AP3B1: variants seen among roughly 807,000 people sequenced by gnomAD.
The protein encoded by AP3B1 is AP-3 complex subunit beta-1.
In AP3B1, 61 loss-of-function variants were observed where a neutral mutation model predicts 132.5. That is an observed-to-expected ratio of 0.46 (90% confidence interval 0.37 to 0.57). The LOEUF is 0.57. Among genes scored for constraint, AP3B1 ranks in the 20% least tolerant of loss-of-function variants. The pLI is 0.00. For synonymous variants in AP3B1, 388 were observed against 438.3 expected (o/e 0.89, Z 1.43); for missense variants, 1,120 against 1,289.4 (o/e 0.87, Z 2.01).
chr5:78,165,714 G>A, intron 11 of AP3B1, 42 bp from the exon 12 acceptor site: 3 of 1,325,046 alleles, frequency 2.3e-6, no homozygotes, highest in Non-Finnish European at 3.2e-6. Flanking sequence ...TAAAACAAAG[G>A]TAGCAAGATG....
At chr5:78,277,035 T>G (rs1748810478) in intron 1 of AP3B1, among the ~76,000 whole-genome samples, 1 of 152,080 alleles carries the variant, frequency 6.6e-6, no homozygotes, top group Admixed American at 6.6e-5. Context: ...ACAAGAAGAA[T>G]TTAATAAAAC....
chr5:78,094,927 C>T (rs1253119145), intron 21 of AP3B1, among the ~76,000 whole-genome samples: 4 of 152,072 alleles, frequency 2.6e-5, no homozygotes, highest in Non-Finnish European at 4.4e-5. Flanking sequence ...GTGATCTGCC[C>T]GCCTCGGCCT....
At chr5:78,088,485 C>T (rs1320354542) in intron 22 of AP3B1, among the ~76,000 whole-genome samples, 2 of 152,046 alleles carry the variant, frequency 1.3e-5, no homozygotes, top group East Asian at 1.9e-4. Flanking sequence ...AGCATATTTG[C>T]TTTAAAGGAG....
intron 1 of AP3B1, among the ~76,000 whole-genome samples, chr5:78,291,842 C>T (rs1749537513): frequency 6.6e-6 from 1 of 152,126 alleles, no homozygotes; most frequent in African/African-American, 2.4e-5. Context: ...GATTAATTTC[C>T]TGAATACATC....
At chr5:78,028,631 A>G (rs1341566873) in intron 24 of AP3B1, among the ~76,000 whole-genome samples, 4 of 152,104 alleles carry the variant, frequency 2.6e-5, no homozygotes, top group Non-Finnish European at 5.9e-5. Flanking sequence ...TCATGTGGCT[A>G]TGGGTAACCT....
chr5:78,147,630 G>A (rs1002147569), intron 14 of AP3B1, among the ~76,000 whole-genome samples: 26 of 149,692 alleles, frequency 1.7e-4, no homozygotes, highest in African/African-American at 5.9e-4. Flanking sequence ...CCATATTTTT[G>A]TATCTATTAA....
chr5:78,137,578 T>C (rs1752972792), intron 15 of AP3B1, among the ~76,000 whole-genome samples: 1 of 152,090 alleles, frequency 6.6e-6, no homozygotes, highest in Non-Finnish European at 1.5e-5. Flanking sequence ...ACAGGGAAAA[T>C]AACTCTGTGC....
intron 7 of AP3B1, among the ~76,000 whole-genome samples, chr5:78,196,463 A>G (rs1047313498): frequency 6.6e-6 from 1 of 152,314 alleles, no homozygotes. Flanking sequence ...GCAACTTTGC[A>G]GTTTCTTACC....
intron 17 of AP3B1, among the ~76,000 whole-genome samples, chr5:78,119,956 T>C (rs750833220): frequency 1.3e-5 from 2 of 152,140 alleles, no homozygotes; most frequent in Non-Finnish European, 2.9e-5. Flanking sequence ...TCGGGTTACC[T>C]ACAAAGGGAA....
Position 78,172,797 on chromosome 5 carries a change from T to C in AP3B1, c.1167+2829A>G, listed in dbSNP as rs529686387. 2.2e-3 allele frequency among the ~76,000 whole-genome samples: 330 copies of C among 152,364 alleles called. 1 individual carries two copies. Among genetic ancestry groups the C allele is most frequent in the African/African-American group, 7.6e-3 (318 of 41,586 alleles). ...GTTATCTTAATTATTTCTTGCCTTC[T>C]GCTAGCTGTTGAATGTGTTTGCTCT... On this transcript the variant is annotated intron_variant, in intron 11 of 26. Transcript: ENST00000255194.
At chr5:78,211,251 TG>T (rs962415969) in intron 7 of AP3B1, among the ~76,000 whole-genome samples, 2 of 152,186 alleles carry the variant, frequency 1.3e-5, no homozygotes, top group Non-Finnish European at 2.9e-5. Flanking sequence ...GAATTCCTAG[TG>T]CACTGTATAA....
intron 15 of AP3B1, among the ~76,000 whole-genome samples, chr5:78,138,765 A>T (rs1378124721): frequency 6.6e-6 from 1 of 152,022 alleles, no homozygotes; most frequent in Non-Finnish European, 1.5e-5. Context: ...TGAGGTCAGA[A>T]GTTCGAGATC....
intron 22 of AP3B1, among the ~76,000 whole-genome samples, chr5:78,079,368 G>T (rs988760666): frequency 6.6e-6 from 1 of 152,006 alleles, no homozygotes; most frequent in Non-Finnish European, 1.5e-5. Flanking sequence ...CTCTAATTGA[G>T]AATTTAAGAA....
Position 78,193,770 on chromosome 5 carries a change from A to ATATATATATATTTTTTTTTT in AP3B1, c.787-12109_787-12108insAAAAAAAAAATATATATATA. Among the ~76,000 whole-genome samples, 242 of 66,996 alleles carry ATATATATATATTTTTTTTTT rather than the reference A, an allele frequency of 3.6e-3. 1 individual carries two copies. Among genetic ancestry groups the ATATATATATATTTTTTTTTT allele is most frequent in the Non-Finnish European group, 5.9e-3 (183 of 30,966 alleles). 44.0% of individuals were successfully genotyped at this position (66,996 alleles called of 152,430 possible). ...TATATATATATATATATATATATAT[A>ATATATATATATTTTTTTTTT]TTTTTTTTTTAGACAGAGTCTCGCT... On this transcript the variant is annotated intron_variant, in intron 7 of 26. Transcript: ENST00000255194.
At chr5:78,209,362 G>A (rs1376389684) in intron 7 of AP3B1, among the ~76,000 whole-genome samples, 4 of 152,108 alleles carry the variant, frequency 2.6e-5, no homozygotes, top group Admixed American at 2.0e-4. Flanking sequence ...GGCTTTATCT[G>A]CAAGATAAAA....
intron 19 of AP3B1, among the ~76,000 whole-genome samples, chr5:78,111,774 G>T (rs1280353608): frequency 6.6e-6 from 1 of 152,042 alleles, no homozygotes; most frequent in Non-Finnish European, 1.5e-5. Context: ...TCTACTGTGG[G>T]CCAGAAAGGG....
At chr5:78,110,677 A>ACTGTGC (rs1751540765) in intron 19 of AP3B1, among the ~76,000 whole-genome samples, 1 of 143,516 alleles carries the variant, frequency 7.0e-6, no homozygotes, top group Admixed American at 7.3e-5. Context: ...ATCTCAAAAT[A>ACTGTGC]CTGTGCCTGT....
At chr5:78,156,495 A>G in intron 13 of AP3B1, 128 bp from the exon 14 acceptor site, 1 of 733,238 alleles carries the variant, frequency 1.4e-6, no homozygotes, top group Non-Finnish European at 2.3e-6. Context: ...ACTATGTGAA[A>G]GCATAACCAT....
chr5:78,049,351 T>A (rs1190756218), intron 22 of AP3B1, among the ~76,000 whole-genome samples: 1 of 152,220 alleles, frequency 6.6e-6, no homozygotes, highest in Non-Finnish European at 1.5e-5. Context: ...AAATCATTAA[T>A]CATTACTCAC....
Sources: gnomAD v4.1 joint callset for allele counts (sites outside exome capture counted in the v4.1 genomes callset) on GRCh38, gnomAD v4.1.1 for gene constraint, MANE v1.5 for transcripts, NCBI Gene and HGNC (gene_info 2026-07-23, HGNC 2026-07-21) for gene names.